Variants in RYR2 observed in about 807,000 individuals in gnomAD.
RYR2 encodes ryanodine receptor 2.
In RYR2, 227 loss-of-function variants were observed where a neutral mutation model predicts 601.1. The ratio of observed to expected loss-of-function variants is 0.38; its 90% CI spans 0.34 to 0.42. The LOEUF (loss-of-function observed/expected upper bound fraction) is 0.42, where lower values mean the gene tolerates loss of function less well. RYR2 is among the 10% of genes least tolerant of loss of function. RYR2 has a pLI of 1.00. For synonymous variants in RYR2, 2,223 were observed against 2,175.1 expected, an observed-to-expected ratio of 1.02 and a Z score of -0.61; for missense variants, 4,646 against 6,156.5, an observed-to-expected ratio of 0.75 and a Z score of 8.21.
chr1:237,437,776 CT>C (rs1160080997), intron 12 of RYR2, among the ~76,000 whole-genome samples: 1 of 152,164 alleles, frequency 6.6e-6, no homozygotes, highest in Non-Finnish European at 1.5e-5. Context: ...GTCATTTTAT[CT>C]TTGAGTATTT....
intron 1 of RYR2, among the ~76,000 whole-genome samples, chr1:237,173,928 G>A (rs776391044): frequency 6.6e-6 from 1 of 152,074 alleles, no homozygotes; most frequent in Non-Finnish European, 1.5e-5. Context: ...GTGGTGGCGG[G>A]CGCCTGTAGT....
At chr1:237,760,824 A>T (rs1693367579) in intron 83 of RYR2, 131 bp from the exon 84 acceptor site, 1 of 658,290 alleles carries the variant, frequency 1.5e-6, no homozygotes, top group African/African-American at 1.9e-5. Context: ...CAATGAATGG[A>T]GACATGTTTT....
At chr1:237,219,984 T>A (rs570908302) in intron 1 of RYR2, among the ~76,000 whole-genome samples, 2 of 152,232 alleles carry the variant, frequency 1.3e-5, no homozygotes, top group Non-Finnish European at 2.9e-5. Flanking sequence ...TGCATGCAAG[T>A]ACTTTTAGCT....
intron 1 of RYR2, among the ~76,000 whole-genome samples, chr1:237,082,074 T>A (rs539998889): frequency 6.6e-6 from 1 of 152,302 alleles, no homozygotes; most frequent in South Asian, 2.1e-4. Flanking sequence ...CCAGGGAGAA[T>A]CTCAGTTTGC....
chr1:237,462,028 A>G (rs191844058), intron 16 of RYR2, among the ~76,000 whole-genome samples: 9 of 152,318 alleles, frequency 5.9e-5, no homozygotes, highest in Admixed American at 5.9e-4. Flanking sequence ...ACATATACCT[A>G]AATATATACT....
chr1:237,615,094 C>A (rs565912822), intron 37 of RYR2, among the ~76,000 whole-genome samples: 139 of 152,276 alleles, frequency 9.1e-4, no homozygotes, highest in African/African-American at 3.2e-3. Context: ...ATACCCCTTT[C>A]CACCCATATT....
chr1:237,778,784 C>T lies in RYR2; in HGVS notation c.11880+14C>T, dbSNP rs756052547. 4 of 1,289,634 alleles carry T rather than the reference C, an allele frequency of 3.1e-6. No individual in the cohort carries two copies. Among genetic ancestry groups the T allele is most frequent in the Admixed American group, 3.4e-5 (2 of 58,438 alleles). The allele number at this position is 1,289,634 out of a possible 1,614,324, so 79.9% of individuals were successfully genotyped here. A position where few individuals can be genotyped will look rare whatever the true frequency, so the allele number is the denominator to read the frequency against. The stretch of plus-strand genomic sequence containing the variant: ...AAGCTGTCGCAGGTAAACTAACTAA[C>T]TGCCTTCCTCTCTCTTAAATGACAA... On this transcript the variant is annotated intron_variant, in intron 88 of 104. Transcript: ENST00000366574.
intron 22 of RYR2, among the ~76,000 whole-genome samples, chr1:237,504,828 G>A (rs562648090): frequency 5.1e-4 from 77 of 152,198 alleles, no homozygotes; most frequent in Non-Finnish European, 9.1e-4. Context: ...TCCACGAGCC[G>A]GTGGGCTGGG....
intron 29 of RYR2, among the ~76,000 whole-genome samples, chr1:237,577,118 C>A (rs1189104958): frequency 6.6e-6 from 1 of 152,108 alleles, no homozygotes; most frequent in African/African-American, 2.4e-5. Context: ...TTTTTAGCTA[C>A]ACTAGTGTGT....
intron 79 of RYR2, among the ~76,000 whole-genome samples, chr1:237,735,809 T>C (rs1304826374): frequency 6.6e-6 from 1 of 152,206 alleles, no homozygotes; most frequent in African/African-American, 2.4e-5. Context: ...AACTCTATCA[T>C]ATTGTTATGG....
chr1:237,830,726 A>T, intron 103 of RYR2, 96 bp downstream of exon 103: 1 of 647,894 alleles, frequency 1.5e-6, no homozygotes, highest in East Asian at 2.7e-5. Flanking sequence ...TTTATTGTTT[A>T]AAAAATAATT....
chr1:237,195,891 G>A (rs896674145), intron 1 of RYR2, among the ~76,000 whole-genome samples: 45 of 152,194 alleles, frequency 3.0e-4, no homozygotes, highest in African/African-American at 1.0e-3. Flanking sequence ...GCTTATTATT[G>A]TTGAATTGTG....
intron 1 of RYR2, among the ~76,000 whole-genome samples, chr1:237,060,991 T>G (rs1662761871): frequency 6.6e-6 from 1 of 152,230 alleles, no homozygotes; most frequent in Non-Finnish European, 1.5e-5. Context: ...GTTGACTCAG[T>G]TAACATTTCC....
At chr1:237,308,964 A>G (rs1169575148) in intron 2 of RYR2, among the ~76,000 whole-genome samples, 1 of 152,244 alleles carries the variant, frequency 6.6e-6, no homozygotes, top group Non-Finnish European at 1.5e-5. Context: ...GTTAGACACA[A>G]AAGTTCTCCA....
At chr1:237,504,986 G>T (rs897882784) in intron 22 of RYR2, among the ~76,000 whole-genome samples, 2 of 152,158 alleles carry the variant, frequency 1.3e-5, no homozygotes, top group African/African-American at 4.8e-5. Context: ...TGAGGATGCC[G>T]TATAGGAAAC....
intron 20 of RYR2, among the ~76,000 whole-genome samples, chr1:237,499,150 A>C (rs1161833156): frequency 1.3e-5 from 2 of 152,170 alleles, no homozygotes; most frequent in East Asian, 3.8e-4. Context: ...TCTGCCACTT[A>C]ACATTTTGTA....
chr1:237,190,178 C>T (rs183796207), intron 1 of RYR2, among the ~76,000 whole-genome samples: 43 of 152,258 alleles, frequency 2.8e-4, no homozygotes, highest in South Asian at 1.7e-3. Context: ...CTTGAGCCAC[C>T]GTGCCCAGCC....
chr1:237,548,392 G>A, intron 25 of RYR2, 39 bp from the exon 26 acceptor site: 1 of 1,603,202 alleles, frequency 6.2e-7, no homozygotes, highest in Non-Finnish European at 8.5e-7. Context: ...TTTATGAAAA[G>A]GCCAATTATA....
intron 1 of RYR2, among the ~76,000 whole-genome samples, chr1:237,086,733 C>T (rs1044428464): frequency 3.9e-5 from 6 of 152,040 alleles, no homozygotes; most frequent in Non-Finnish European, 8.8e-5. Context: ...CACTTTACTT[C>T]GCGATGCTGG....
Sources: allele counts gnomAD v4.1 joint callset (sites outside exome capture counted in the v4.1 genomes callset), GRCh38; gene constraint gnomAD v4.1.1; transcripts MANE v1.5; gene names NCBI Gene and HGNC (gene_info 2026-07-23, HGNC 2026-07-21).